TACC1: variants seen among roughly 807,000 people sequenced by gnomAD.
TACC1 encodes transforming acidic coiled-coil containing protein 1.
In TACC1, 48 loss-of-function variants were observed where a neutral mutation model predicts 84.4. That is an observed-to-expected ratio of 0.57 (90% CI 0.45 to 0.72). The LOEUF is 0.72. Ranked by LOEUF, TACC1 falls within the 30% of genes least tolerant of loss-of-function variation. The probability of loss-of-function intolerance (pLI) is 0.00; values close to 1 mark genes in which losing one functional copy is unlikely to be tolerated. For synonymous variants in TACC1, 372 were observed against 376.3 expected, an observed-to-expected ratio of 0.99 and a Z score of 0.13; for missense variants, 920 against 973.0, an observed-to-expected ratio of 0.95 and a Z score of 0.72.
intron 3 of TACC1, among the ~76,000 whole-genome samples, chr8:38,774,870 G>C (rs1814495531): frequency 6.6e-6 from 1 of 151,998 alleles, no homozygotes; most frequent in African/African-American, 2.4e-5. Context: ...AATTAGCTGG[G>C]CATGGTGGCA....
At chr8:38,806,556 G>T (rs532238773) in intron 2 of TACC1, among the ~76,000 whole-genome samples, 1 of 152,142 alleles carries the variant, frequency 6.6e-6, no homozygotes, top group South Asian at 2.1e-4. Context: ...AGAGGGATGG[G>T]GCTGGCTAGG....
At chr8:38,815,569 G>A (rs561697939) in intron 2 of TACC1, among the ~76,000 whole-genome samples, 14 of 152,016 alleles carry the variant, frequency 9.2e-5, no homozygotes, top group East Asian at 3.9e-4. Context: ...ACAGGCATGC[G>A]CCACCATGCC....
At chr8:38,792,204 G>C (rs1308767568) in intron 2 of TACC1, among the ~76,000 whole-genome samples, 1 of 152,252 alleles carries the variant, frequency 6.6e-6, no homozygotes, top group Non-Finnish European at 1.5e-5. Flanking sequence ...TAATGCTGCT[G>C]CTGTTGTGGT....
At chr8:38,762,977 C>T (rs941267540) in intron 3 of TACC1, among the ~76,000 whole-genome samples, 1 of 152,188 alleles carries the variant, frequency 6.6e-6, no homozygotes, top group Non-Finnish European at 1.5e-5. Flanking sequence ...TAACCCACTT[C>T]ACTTTTTGAG....
At chr8:38,759,132 G>T (rs551087896) in intron 3 of TACC1, among the ~76,000 whole-genome samples, 82 of 152,268 alleles carry the variant, frequency 5.4e-4, no homozygotes, top group Middle Eastern at 6.8e-3. Flanking sequence ...AGTTTGGGAG[G>T]CAAAGAGCCA....
intron 2 of TACC1, among the ~76,000 whole-genome samples, chr8:38,803,068 AT>A (rs905991603): frequency 6.6e-6 from 1 of 151,838 alleles, no homozygotes; most frequent in Non-Finnish European, 1.5e-5. Context: ...TGTTTTCTTA[AT>A]TTTTTTTGGA....
At chr8:38,787,101 G>C (rs1426090477), upstream of TACC1, 2 of 979,240 alleles carry the variant, frequency 2.0e-6, no homozygotes, top group African/African-American at 3.5e-5. Context: ...GGATCCGGCG[G>C]GCGCGCGGCC....
intron 2 of TACC1, among the ~76,000 whole-genome samples, chr8:38,810,287 T>G (rs907973644): frequency 1.3e-5 from 2 of 152,158 alleles, no homozygotes; most frequent in African/African-American, 4.8e-5. Context: ...GATTCATATT[T>G]TTTAGGTAAA....
upstream of TACC1, chr8:38,787,126 G>A: frequency 2.0e-6 from 2 of 983,932 alleles, no homozygotes; most frequent in Middle Eastern, 5.2e-4. Flanking sequence ...TCAAAGCCCC[G>A]GCGCCGCCGC....
intron 3 of TACC1, 76 bp from the exon 4 acceptor site, chr8:38,825,232 T>C: frequency 1.3e-6 from 2 of 1,487,102 alleles, no homozygotes; most frequent in South Asian, 1.1e-5. Flanking sequence ...CACACACTGC[T>C]GTCTGCTCCA....
intron 5 of TACC1, among the ~76,000 whole-genome samples, chr8:38,828,299 A>T (rs1158069254): frequency 1.3e-5 from 2 of 152,218 alleles, no homozygotes; most frequent in Non-Finnish European, 2.9e-5. Context: ...GATTAAAGTC[A>T]CTTGGCTAGG....
In TACC1 at chr8:38,788,712, C is replaced by T; in HGVS notation, c.170C>T (p.Ser57Phe). ...TTTTTCCTCCTTGGCAGCTCGGATTCTGAAGGTAATTTTGAGACTCCTGAA... is the reference window on the plus strand; with the variant it reads ...TTTTTCCTCCTTGGCAGCTCGGATTTTGAAGGTAATTTTGAGACTCCTGAA... ...ETKSLSFSSD[S>F]EGNFETPEAE... Residue 57 changes from serine to phenylalanine, a missense_variant, in exon 2 of 13, where the codon TCT (serine) becomes TTT (phenylalanine). Around this residue, in one of 2 missense-constraint regions of TACC1, gnomAD observed 762 missense variants for 747.3 expected, o/e 1.02. Coordinates refer to ENST00000317827, the MANE Select transcript of TACC1 (RefSeq NM_006283.3). The T allele has an allele frequency of 6.2e-7, 1 of 1,613,074 alleles. No individual in the cohort carries two copies.
At chr8:38,790,451 T>C (rs1326467653) in intron 2 of TACC1, among the ~76,000 whole-genome samples, 1 of 152,228 alleles carries the variant, frequency 6.6e-6, no homozygotes, top group African/African-American at 2.4e-5. Flanking sequence ...CAGCTTCTTT[T>C]GTAAAAGGCT....
chr8:38,811,441 G>A (rs1587892495), intron 2 of TACC1, among the ~76,000 whole-genome samples: 1 of 152,190 alleles, frequency 6.6e-6, no homozygotes, highest in South Asian at 2.1e-4. Flanking sequence ...TCCTCCTGTT[G>A]TGGGAAGTCA....
chr8:38,781,580 C>T (rs1176555860), intron 3 of TACC1, among the ~76,000 whole-genome samples: 11 of 152,000 alleles, frequency 7.2e-5, no homozygotes, highest in Admixed American at 6.5e-4. Context: ...GGGGTTTCGC[C>T]GTGTTGGCCA....
At chr8:38,739,178 T>G (rs1247517282) in intron 1 of TACC1, among the ~76,000 whole-genome samples, 1 of 152,198 alleles carries the variant, frequency 6.6e-6, no homozygotes, top group Non-Finnish European at 1.5e-5. Flanking sequence ...ACCCAGCCCA[T>G]GTGTGCTGAC....
intron 2 of TACC1, chr8:38,742,468 A>G: frequency 6.6e-7 from 1 of 1,521,660 alleles, no homozygotes; most frequent in Non-Finnish European, 8.8e-7. Context: ...CTTTTCTTTG[A>G]CATTGAATAT....
At chr8:38,839,161 T>C (rs1830756936) in intron 8 of TACC1, 2 of 338,254 alleles carry the variant, frequency 5.9e-6, no homozygotes, top group African/African-American at 2.1e-5. Context: ...AGTGCTGGGA[T>C]TGCAGGCATG....
intron 1 of TACC1, among the ~76,000 whole-genome samples, chr8:38,741,212 G>A (rs1467332034): frequency 6.7e-6 from 1 of 150,054 alleles, no homozygotes; most frequent in African/African-American, 2.5e-5. Flanking sequence ...TTGGAGTGCA[G>A]TGGCATGATC....
Sources: gnomAD v4.1 joint callset for allele counts (sites outside exome capture counted in the v4.1 genomes callset) on GRCh38, gnomAD v4.1.1 for gene constraint, gnomAD v4.1.1 regional missense constraint, MANE v1.5 for transcripts, NCBI Gene and HGNC (gene_info 2026-07-23, HGNC 2026-07-21) for gene names.